Variants in ZBTB8A observed in about 807,000 individuals in gnomAD.
ZBTB8A encodes the protein zinc finger and BTB domain containing 8A, also known as zinc finger and BTB domain-containing protein 8A.
ZBTB8A carries 19 observed loss-of-function variants against 37.8 expected under a neutral mutation model. The ratio of observed to expected loss-of-function variants is 0.50; its 90% CI spans 0.35 to 0.74. The LOEUF (loss-of-function observed/expected upper bound fraction) is 0.74, where lower values mean the gene tolerates loss of function less well. Ranked by LOEUF, ZBTB8A falls within the 30% of genes least tolerant of loss-of-function variation. The pLI is 0.01. For synonymous variants in ZBTB8A, 181 were observed against 185.2 expected (o/e 0.98, Z 0.19); for missense variants, 394 against 537.8 (o/e 0.73, Z 2.65).
intron 2 of ZBTB8A, among the ~76,000 whole-genome samples, chr1:32,584,179 C>T (rs1644428569): frequency 6.6e-6 from 1 of 152,026 alleles, no homozygotes; most frequent in East Asian, 1.9e-4. Context: ...CTAGGGCCAC[C>T]AGAAGATAGA....
At chr1:32,558,607 A>G (rs536730303) in intron 2 of ZBTB8A, among the ~76,000 whole-genome samples, 8 of 152,276 alleles carry the variant, frequency 5.3e-5, no homozygotes, top group African/African-American at 1.9e-4. Flanking sequence ...TTAGTCTCCA[A>G]GTCTGAAGGA....
chr1:32,588,675 G>A (rs1429112549), intron 2 of ZBTB8A, among the ~76,000 whole-genome samples: 1 of 151,928 alleles, frequency 6.6e-6, no homozygotes, highest in Non-Finnish European at 1.5e-5. Flanking sequence ...CAACATGTGA[G>A]TTACTAATAA....
intron 2 of ZBTB8A, among the ~76,000 whole-genome samples, chr1:32,586,245 G>A (rs1644448223): frequency 6.6e-6 from 1 of 151,990 alleles, no homozygotes; most frequent in Non-Finnish European, 1.5e-5. Flanking sequence ...CTTGAACCCG[G>A]GAGGCAGAGG....
rs577004759 is a variant in ZBTB8A, at chr1:32,543,374, T to C, written c.-84+3802T>C. ...TGCTGGGATTACAGGTGTGAGCCAC[T>C]GCGCCTGGCCTGAGATATAACTCTT... On this transcript the variant is annotated intron_variant, in intron 1 of 4. Coordinates refer to ENST00000373510, the MANE Select transcript of ZBTB8A (RefSeq NM_001040441.3). Among the ~76,000 whole-genome samples the C allele has an allele frequency of 2.0e-5, 3 of 152,204 alleles. No homozygotes were observed. The South Asian group carries it at 6.2e-4, about 32-fold the overall frequency.
intron 2 of ZBTB8A, among the ~76,000 whole-genome samples, chr1:32,573,185 C>T (rs1458528434): frequency 2.7e-5 from 4 of 150,796 alleles, no homozygotes; most frequent in Non-Finnish European, 2.9e-5. Context: ...ATTCTCCTGC[C>T]TCAGCCTCCT....
rs761795754 is a variant in ZBTB8A at position 32,553,449 on chromosome 1, C to G, written c.-83-10C>G. The G allele has an allele frequency of 6.6e-6, 1 of 152,170 alleles. No individual in the cohort carries two copies. The highest frequency in any genetic ancestry group is 1.5e-5 in the Non-Finnish European group (1 of 68,040). The allele number at this position is 152,170 out of a possible 1,614,324, so 9.4% of individuals were successfully genotyped here. A position where few individuals can be genotyped will look rare whatever the true frequency, so the allele number is the denominator to read the frequency against. ...AGTACATTATAAATATCTGTTTTCTCTCTCTACAGGACAATCCTCCAAACA... is the reference window on the plus strand; with the variant it reads ...AGTACATTATAAATATCTGTTTTCTGTCTCTACAGGACAATCCTCCAAACA... On this transcript the variant is annotated splice_polypyrimidine_tract_variant and intron_variant, in intron 1 of 4. Transcript: ENST00000373510.
At chr1:32,592,788 G>A in intron 2 of ZBTB8A, 143 bp from the exon 3 acceptor site, 1 of 664,414 alleles carries the variant, frequency 1.5e-6, no homozygotes. Context: ...GATTACAGGA[G>A]TGAGCCACTG....
chr1:32,557,881 A>C (rs1179189180), intron 2 of ZBTB8A, among the ~76,000 whole-genome samples: 1 of 152,148 alleles, frequency 6.6e-6, no homozygotes, highest in East Asian at 1.9e-4. Context: ...AGACATCCAT[A>C]ATATACTGAC....
chr1:32,592,833 C>T, intron 2 of ZBTB8A, 98 bp from the exon 3 acceptor site: 3 of 979,462 alleles, frequency 3.1e-6, no homozygotes, highest in Non-Finnish European at 4.5e-6. Flanking sequence ...CACACCACTG[C>T]ACTGCAGCCT....
intron 1 of ZBTB8A, among the ~76,000 whole-genome samples, chr1:32,539,983 A>C (rs573423722): frequency 4.0e-5 from 6 of 149,972 alleles, no homozygotes; most frequent in Admixed American, 4.0e-4. Context: ...AGGGCAGGGC[A>C]GGGCCGGGGC....
Position 32,601,827 on chromosome 1 carries a change from ATATCTT to A in ZBTB8A, c.*1409_*1414del, listed in dbSNP as rs1644578192. 2 of 396,508 alleles carry A rather than the reference ATATCTT, an allele frequency of 5.0e-6. No individual in the cohort carries two copies. The highest frequency in any genetic ancestry group is 4.4e-6 in the Non-Finnish European group (1 of 225,344). 24.6% of individuals were successfully genotyped at this position (396,508 alleles called of 1,614,324 possible). A position where few individuals can be genotyped will look rare whatever the true frequency, so the allele number is the denominator to read the frequency against. On this transcript the variant is annotated 3_prime_UTR_variant, in exon 5 of 5. Coordinates refer to ENST00000373510, the MANE Select transcript of ZBTB8A (RefSeq NM_001040441.3). ...ATTGAATCATTTTCAACAACATACAATATCTTGATCTAGAGATTTTCAAATAATGCT... is the reference window on the plus strand; with the variant it reads ...ATTGAATCATTTTCAACAACATACAAGATCTAGAGATTTTCAAATAATGCT...
In ZBTB8A at chr1:32,593,344, A is replaced by C; in HGVS notation, c.413A>C (p.Lys138Thr). The part of the protein sequence containing the change: ...EKDRYFSLSD[K>T]DANSNGVERS... ...GATCGCTATTTCAGTCTCTCAGATA[A>C]AGATGCCAATTCTAATGGTGTAGAA... The change falls in exon 3 of 5, where the codon AAA becomes ACA. Residue 138 changes from lysine to threonine, a missense_variant. Lys to Thr is a moderately conservative substitution (Grantham distance 78, BLOSUM62 -1). This residue lies in a region of ZBTB8A where 171 missense variants were observed against 186.8 expected (regional missense o/e 0.92). Transcript: ENST00000373510. The C allele has an allele frequency of 6.2e-7, 1 of 1,614,202 alleles. No individual in the cohort carries two copies. The highest frequency in any genetic ancestry group is 8.5e-7 in the Non-Finnish European group (1 of 1,180,034).
intron 2 of ZBTB8A, among the ~76,000 whole-genome samples, chr1:32,588,066 C>T (rs978548820): frequency 3.9e-5 from 6 of 152,068 alleles, no homozygotes; most frequent in Non-Finnish European, 8.8e-5. Flanking sequence ...CGTGCCTTGC[C>T]CTATGCATCT....
At chr1:32,588,060 C>T (rs1644461993) in intron 2 of ZBTB8A, among the ~76,000 whole-genome samples, 1 of 152,046 alleles carries the variant, frequency 6.6e-6, no homozygotes, top group South Asian at 2.1e-4. Context: ...TTCCCACGTG[C>T]CTTGCCCTAT....
intron 2 of ZBTB8A, among the ~76,000 whole-genome samples, chr1:32,583,464 C>T (rs1644423286): frequency 6.6e-6 from 1 of 151,366 alleles, no homozygotes; most frequent in South Asian, 2.1e-4. Flanking sequence ...TAGTCTCACT[C>T]ATAGGTTAAG....
At position 32,603,375 on chromosome 1, in the gene ZBTB8A, G is replaced by T. The variant is rs751207391; in HGVS notation, c.*2956G>T. ...GAACTCCTGACCTCGTGATCTGCCC[G>T]CCTCAGCCTCCCAAAGTGCTGGGAT... On this transcript the variant is annotated 3_prime_UTR_variant, in exon 5 of 5. Transcript: ENST00000373510. The T allele has an allele frequency of 1.3e-5, 2 of 151,808 alleles. No individual in the cohort carries two copies. Among genetic ancestry groups the T allele is most frequent in the Non-Finnish European group, 2.9e-5 (2 of 67,910 alleles). The allele number at this position is 151,808 out of a possible 1,614,324, so 9.4% of individuals were successfully genotyped here.
At chr1:32,595,349 C>T in intron 4 of ZBTB8A, 126 bp downstream of exon 4, 1 of 891,022 alleles carries the variant, frequency 1.1e-6, no homozygotes, top group Non-Finnish European at 1.7e-6. Flanking sequence ...CTCGCTGCAA[C>T]CTCTGCCTCC....
At chr1:32,568,339 A>G (rs1466354444) in intron 2 of ZBTB8A, among the ~76,000 whole-genome samples, 1 of 150,520 alleles carries the variant, frequency 6.6e-6, no homozygotes, top group Non-Finnish European at 1.5e-5. Flanking sequence ...TTTCGTTCCC[A>G]GTTTCAGGCA....
chr1:32,542,592 T>G (rs957473651), intron 1 of ZBTB8A, among the ~76,000 whole-genome samples: 1 of 152,044 alleles, frequency 6.6e-6, no homozygotes, highest in African/African-American at 2.4e-5. Context: ...AGAGTTGATC[T>G]TCTCAACGAC....
Sources: gnomAD v4.1 joint callset for allele counts (sites outside exome capture counted in the v4.1 genomes callset) on GRCh38, gnomAD v4.1.1 for gene constraint, gnomAD v4.1.1 regional missense constraint, MANE v1.5 for transcripts, NCBI Gene and HGNC (gene_info 2026-07-23, HGNC 2026-07-21) for gene names.